The following SLC38A8 variants were observed in gnomAD, a reference collection of about 807,000 sequenced individuals.
SLC38A8 encodes amino acid transporter SLC38A8.
A neutral mutation model predicts 46.0 loss-of-function variants in SLC38A8; 65 were observed. The observed-to-expected ratio is 1.41, with a 90% CI of 1.16 to 1.74. The LOEUF (loss-of-function observed/expected upper bound fraction) is 1.74. SLC38A8 is among the 40% of genes most tolerant of loss of function. The pLI is 0.00. For synonymous variants in SLC38A8, 447 were observed against 243.7 expected (o/e 1.83, Z -7.77); for missense variants, 998 against 567.9 (o/e 1.76, Z -7.70).
intron 4 of SLC38A8, 64 bp from the exon 5 acceptor site, chr16:84,032,032 A>G: frequency 2.2e-6 from 3 of 1,395,018 alleles, no homozygotes; most frequent in Non-Finnish European, 3.0e-6. Flanking sequence ...GCACGGGGAC[A>G]GTAGTGGGAT....
At chr16:84,023,085 G>A (rs750276079) in intron 6 of SLC38A8, among the ~76,000 whole-genome samples, 196 bp from the exon 7 acceptor site, 3 of 151,944 alleles carry the variant, frequency 2.0e-5, no homozygotes, top group Non-Finnish European at 2.9e-5. Context: ...TTCTGCCTTT[G>A]TTACATGCCC....
rs762755865 is a variant in SLC38A8, at chr16:84,009,744, G to C, written c.*40C>G. ...TGCATACAGCAGCCACGTAGGGTCA[G>C]CCCCCGGAGGGCCCCTTCCTGCCCG... On this transcript the variant is annotated 3_prime_UTR_variant, in exon 11 of 11. Coordinates refer to ENST00000299709, the MANE Select transcript of SLC38A8 (RefSeq NM_001080442.3). The C allele has an allele frequency of 3.2e-5, 51 of 1,579,120 alleles. 1 individual carries two copies. The highest frequency in any genetic ancestry group is 1.7e-4 in the Middle Eastern group (1 of 5,896).
In SLC38A8 at chr16:84,017,134, C is replaced by A. The variant is rs1480781007; in HGVS notation, c.953+6G>T. ...TCACGGTGCCCCCCACTGAGCCAGGCCTCACCTCCCCAGGAAGAGCACGAT... is the reference window on the plus strand; with the variant it reads ...TCACGGTGCCCCCCACTGAGCCAGGACTCACCTCCCCAGGAAGAGCACGAT... On this transcript the variant is annotated splice_donor_region_variant and intron_variant, in intron 8 of 10. Coordinates refer to ENST00000299709, the MANE Select transcript of SLC38A8 (RefSeq NM_001080442.3). 2 of 1,613,864 alleles carry A rather than the reference C, an allele frequency of 1.2e-6. No individual in the cohort carries two copies. The highest frequency in any genetic ancestry group is 1.7e-6 in the Non-Finnish European group (2 of 1,179,900).
chr16:84,028,177 G>A (rs1210303632), intron 6 of SLC38A8, among the ~76,000 whole-genome samples: 2 of 152,052 alleles, frequency 1.3e-5, no homozygotes, highest in African/African-American at 2.4e-5. Flanking sequence ...GGTAAACCCT[G>A]GACACATCTC....
intron 2 of SLC38A8, among the ~76,000 whole-genome samples, chr16:84,037,163 T>C (rs1175942641): frequency 2.0e-5 from 3 of 152,158 alleles, no homozygotes; most frequent in Admixed American, 6.5e-5. Flanking sequence ...TCTGACACCA[T>C]CCTGCCCCAG....
intron 1 of SLC38A8, 68 bp from the exon 2 acceptor site, chr16:84,042,227 C>G: frequency 1.3e-6 from 2 of 1,499,978 alleles, no homozygotes; most frequent in Non-Finnish European, 1.8e-6. Flanking sequence ...TCTCGATATC[C>G]TTATTTGTCT....
At chr16:84,038,260 G>A (rs900395733) in intron 2 of SLC38A8, among the ~76,000 whole-genome samples, 9 of 151,666 alleles carry the variant, frequency 5.9e-5, no homozygotes, top group African/African-American at 1.2e-4. Flanking sequence ...GCAGTAAGCT[G>A]AGATCGTGCC....
At chr16:84,035,822 C>A (rs12922054) in intron 3 of SLC38A8, among the ~76,000 whole-genome samples, 36,242 of 152,224 alleles carry the variant, frequency 0.24, 4,380 homozygotes, top group South Asian at 0.27. Flanking sequence ...GGCTAATCTG[C>A]AATCGCAGCT....
chr16:84,031,552 G>C (rs1395026788), intron 5 of SLC38A8, among the ~76,000 whole-genome samples: 1 of 150,482 alleles, frequency 6.6e-6, no homozygotes, highest in Admixed American at 6.7e-5. Flanking sequence ...CATGCAGCTG[G>C]ATGGCTGCCA....
intron 4 of SLC38A8, among the ~76,000 whole-genome samples, chr16:84,032,534 T>C (rs2085253984): frequency 6.6e-6 from 1 of 152,134 alleles, no homozygotes. Flanking sequence ...GCAGCTGTAA[T>C]AGTGTTTCCT....
chr16:84,029,024 T>A (rs2085203401), intron 6 of SLC38A8, among the ~76,000 whole-genome samples: 1 of 152,118 alleles, frequency 6.6e-6, no homozygotes, highest in African/African-American at 2.4e-5. Flanking sequence ...CCTGTACACC[T>A]TCCAGCTCCT....
chr16:84,021,007 C>G (rs60446202), intron 7 of SLC38A8, among the ~76,000 whole-genome samples: 1 of 152,172 alleles, frequency 6.6e-6, no homozygotes, highest in Non-Finnish European at 1.5e-5. Flanking sequence ...ATGCAGCATC[C>G]TGAATGCTCT....
intron 9 of SLC38A8, among the ~76,000 whole-genome samples, chr16:84,013,480 G>C (rs948227993): frequency 1.5e-5 from 2 of 137,352 alleles, no homozygotes; most frequent in Middle Eastern, 8.7e-3. Context: ...TGCCAGGCTG[G>C]AGTGCAGTGG....
intron 3 of SLC38A8, among the ~76,000 whole-genome samples, chr16:84,034,955 G>C (rs112139758): frequency 6.6e-6 from 1 of 152,106 alleles, no homozygotes; most frequent in South Asian, 2.1e-4. Context: ...ATTGTACCTC[G>C]TGCCATGACT....
At chr16:84,037,568 C>A (rs1442069717) in intron 2 of SLC38A8, among the ~76,000 whole-genome samples, 1 of 152,104 alleles carries the variant, frequency 6.6e-6, no homozygotes, top group Non-Finnish European at 1.5e-5. Flanking sequence ...TGAGACCAGC[C>A]TGGCCAACAT....
chr16:84,022,903 G>C lies in SLC38A8; in HGVS notation c.691-14C>G, dbSNP rs1233719254. On this transcript the variant is annotated splice_polypyrimidine_tract_variant and intron_variant, in intron 6 of 10. Transcript: ENST00000299709. ...AGCTTCGTGACACTGTAAGACAGAG[G>C]GCGGCTCAGCAGGATGCTGGCTTCC... 6.4e-7 allele frequency: 1 copy of C among 1,566,786 alleles called. No homozygotes were observed. The highest frequency in any genetic ancestry group is 8.6e-7 in the Non-Finnish European group (1 of 1,159,022).
In SLC38A8 at chr16:84,033,369, G is replaced by T. The variant is rs766957582; in HGVS notation, c.489C>A (p.Pro163=). 1 of 1,613,908 alleles carries T rather than the reference G, an allele frequency of 6.2e-7. No homozygotes were observed. The highest frequency in any genetic ancestry group is 8.5e-7 in the Non-Finnish European group (1 of 1,179,972). The change falls in exon 4 of 11, where the codon CCC becomes CCA. Residue 163 remains proline, a synonymous_variant. Transcript: ENST00000299709. ...AGGCGATCTCCCGCGGGGCAGACAG[G>T]GGCAGGATGACCAGCACGGAGAGCA... ...LPLLSVLVIL[P]LSAPREIAFQ...
intron 9 of SLC38A8, among the ~76,000 whole-genome samples, chr16:84,016,138 A>AC (rs2085022236): frequency 6.6e-6 from 1 of 151,290 alleles, no homozygotes; most frequent in African/African-American, 2.4e-5. Context: ...GCGGGGGGGG[A>AC]CCCCCACTTA....
chr16:84,033,572 C>G (rs1236598536), intron 3 of SLC38A8, 103 bp from the exon 4 acceptor site: 5 of 1,338,758 alleles, frequency 3.7e-6, no homozygotes, highest in East Asian at 2.5e-5. Flanking sequence ...CATCCACCCT[C>G]AGCCAGCCCC....
Sources: gnomAD v4.1 joint callset for allele counts (sites outside exome capture counted in the v4.1 genomes callset) on GRCh38, gnomAD v4.1.1 for gene constraint, MANE v1.5 for transcripts, NCBI Gene and HGNC (gene_info 2026-07-23, HGNC 2026-07-21) for gene names.